CTNND1: variants seen among roughly 807,000 people sequenced by gnomAD.
The protein encoded by CTNND1 is catenin delta 1.
Under a neutral mutation model 112.1 loss-of-function variants are expected in CTNND1, and 16 were observed. That is an observed-to-expected ratio of 0.14 (90% CI 0.10 to 0.22). The LOEUF (loss-of-function observed/expected upper bound fraction) is 0.22, where lower values mean the gene tolerates loss of function less well. Ranked by LOEUF, CTNND1 falls within the 10% of genes least tolerant of loss-of-function variation. The probability of loss-of-function intolerance (pLI) is 1.00; values close to 1 mark genes in which losing one functional copy is unlikely to be tolerated. For synonymous variants in CTNND1, 420 were observed against 446.5 expected, an observed-to-expected ratio of 0.94 and a Z score of 0.75; for missense variants, 1,008 against 1,257.0, an observed-to-expected ratio of 0.80 and a Z score of 3.00.
rs1447001822 is a variant in CTNND1, at chr11:57,818,355, TCTG to T, written c.*2050_*2052del. 6.6e-6 allele frequency: 1 copy of T among 151,494 alleles called. No individual in the cohort carries two copies. Among genetic ancestry groups the T allele is most frequent in the African/African-American group, 2.5e-5 (1 of 40,334 alleles). 9.4% of individuals were successfully genotyped at this position (151,494 alleles called of 1,614,324 possible). A position where few individuals can be genotyped will look rare whatever the true frequency, so the allele number is the denominator to read the frequency against. ...CCGAACACTACTAAGGGGCTTGTGT[TCTG>T]CTCCATACCTTTTCTCTTTTCTTTC... On this transcript the variant is annotated 3_prime_UTR_variant, in exon 21 of 21. Coordinates refer to ENST00000399050, the MANE Select transcript of CTNND1 (RefSeq NM_001085458.2).
intron 1 of CTNND1, among the ~76,000 whole-genome samples, chr11:57,782,641 A>G (rs2136343662): frequency 1.3e-5 from 2 of 152,340 alleles, no homozygotes; most frequent in African/African-American, 4.8e-5. Flanking sequence ...GTCTATTTCT[A>G]CCACCATTTA....
At chr11:57,796,230 CA>C (rs2061348264) in intron 5 of CTNND1, among the ~76,000 whole-genome samples, 1 of 151,620 alleles carries the variant, frequency 6.6e-6, no homozygotes, top group South Asian at 2.1e-4. Context: ...ACTAAAAATA[CA>C]AAAAATTAGC....
At chr11:57,791,277 C>T (rs2060710549) in intron 2 of CTNND1, 108 bp from the exon 3 acceptor site, 1 of 943,194 alleles carries the variant, frequency 1.1e-6, no homozygotes, top group Non-Finnish European at 1.4e-6. Flanking sequence ...TTGCTTTCTG[C>T]ACTGCAGTAA....
rs377391701 is a variant in CTNND1 at position 57,808,405 on chromosome 11, C to T, written c.2107C>T (p.Arg703Cys). The T allele has an allele frequency of 1.8e-4, 296 of 1,609,164 alleles. No individual in the cohort carries two copies. Among genetic ancestry groups the T allele is most frequent in the Admixed American group, 3.4e-4 (20 of 59,476 alleles). Residue 703 changes from arginine to cysteine, a missense_variant, in exon 14 of 21, where the codon CGC becomes TGC. Around this residue, in one of 5 missense-constraint regions of CTNND1, gnomAD observed 254 missense variants for 279.5 expected, o/e 0.91. Transcript: ENST00000399050. ...AGRWTYGRYIRSALRQEKALS... is the reference protein window; with the variant it reads ...AGRWTYGRYICSALRQEKALS... ...GCTATTCTAGTATGGTCGATACATC[C>T]GCTCTGCTCTGCGTCAAGAGAAGGC...
rs964158017 is a variant in CTNND1, at chr11:57,794,202, T to C, written c.267+121T>C. On this transcript the variant is annotated intron_variant, in intron 4 of 20. Transcript: ENST00000399050. ...CATTGTACATACTCGTCAATTAGTT[T>C]CTTTTATTTACGAAAACAAAGAAGT... The C allele has an allele frequency of 2.3e-5, 19 of 820,662 alleles. No homozygotes were observed. The East Asian group carries it at 4.4e-4, about 19-fold the overall frequency. The allele number at this position is 820,662 out of a possible 1,614,324, so 50.8% of individuals were successfully genotyped here. A position where few individuals can be genotyped will look rare whatever the true frequency, so the allele number is the denominator to read the frequency against.
chr11:57,773,080 A>G (rs1953119828), intron 1 of CTNND1, among the ~76,000 whole-genome samples: 1 of 152,100 alleles, frequency 6.6e-6, no homozygotes, highest in African/African-American at 2.4e-5. Flanking sequence ...ATCAGAGATT[A>G]CCCAAAATTT....
At chr11:57,791,249 C>A in intron 2 of CTNND1, 136 bp from the exon 3 acceptor site, 1 of 582,452 alleles carries the variant, frequency 1.7e-6, no homozygotes. Context: ...GTGATGGGCT[C>A]CCAGGCTTGG....
chr11:57,794,986 C>T (rs1243548742), intron 4 of CTNND1, among the ~76,000 whole-genome samples: 3 of 151,482 alleles, frequency 2.0e-5, no homozygotes, highest in Admixed American at 2.0e-4. Context: ...ATTGCTTGAG[C>T]CCAGGAGTTC....
intron 17 of CTNND1, among the ~76,000 whole-genome samples, chr11:57,813,488 G>C (rs780015043): frequency 6.6e-6 from 1 of 152,166 alleles, no homozygotes; most frequent in Non-Finnish European, 1.5e-5. Flanking sequence ...TGTCAAAATC[G>C]TACATAGGTA....
At chr11:57,810,943 C>T (rs1386627729) in intron 16 of CTNND1, among the ~76,000 whole-genome samples, 5 of 150,730 alleles carry the variant, frequency 3.3e-5, no homozygotes, top group Non-Finnish European at 5.9e-5. Flanking sequence ...GGCAACATAG[C>T]TAAACCCTGT....
chr11:57,776,295 T>C (rs1189977304), intron 1 of CTNND1, among the ~76,000 whole-genome samples: 3 of 152,134 alleles, frequency 2.0e-5, no homozygotes, highest in African/African-American at 7.2e-5. Context: ...TCAAGCTATC[T>C]CAATTACTCT....
chr11:57,810,789 A>G (rs1336234535), intron 16 of CTNND1, among the ~76,000 whole-genome samples: 1 of 151,756 alleles, frequency 6.6e-6, no homozygotes, highest in Non-Finnish European at 1.5e-5. Flanking sequence ...ACCCATCTCT[A>G]CCAAAAATAA....
At chr11:57,796,176 G>C (rs558862558) in intron 5 of CTNND1, among the ~76,000 whole-genome samples, 2 of 152,070 alleles carry the variant, frequency 1.3e-5, no homozygotes, top group African/African-American at 4.8e-5. Context: ...CACGAGGTCA[G>C]GAGTTTGAGA....
At chr11:57,778,474 C>G (rs2059236222) in intron 1 of CTNND1, among the ~76,000 whole-genome samples, 1 of 152,170 alleles carries the variant, frequency 6.6e-6, no homozygotes, top group South Asian at 2.1e-4. Flanking sequence ...AGAAACTTGC[C>G]AAGTAGGAAT....
Position 57,801,965 on chromosome 11 carries a change from A to G in CTNND1, c.1189A>G (p.Asn397Asp). 6.2e-7 allele frequency: 1 copy of G among 1,614,056 alleles called. No individual in the cohort carries two copies. Among genetic ancestry groups the G allele is most frequent in the Non-Finnish European group, 8.5e-7 (1 of 1,179,910 alleles). The part of the protein sequence containing the change: ...AAYLQHLCYR[N>D]DKVKTDVRKL... The stretch of plus-strand genomic sequence containing the variant: ...ATACCTGCAACACTTATGCTACCGC[A>G]ATGACAAGGTGAAGACTGACGTGCG... Residue 397 changes from asparagine to aspartate, a missense_variant, in exon 7 of 21, where the codon AAT becomes GAT. By Grantham distance (23) the Asn-to-Asp change is conservative. Transcript: ENST00000399050.
intron 6 of CTNND1, 43 bp downstream of exon 6, chr11:57,797,035 A>G (rs1057120714): frequency 1.6e-5 from 22 of 1,400,902 alleles, no homozygotes; most frequent in Non-Finnish European, 1.9e-5. Context: ...TTCCAAGACC[A>G]GGGACAAGGG....
intron 9 of CTNND1, among the ~76,000 whole-genome samples, chr11:57,805,013 C>T (rs1361532834): frequency 1.3e-5 from 2 of 152,126 alleles, no homozygotes; most frequent in Non-Finnish European, 2.9e-5. Context: ...ATTCTCATGC[C>T]TCAGCCTCCC....
At chr11:57,787,012 C>A (rs185878123) in intron 1 of CTNND1, among the ~76,000 whole-genome samples, 16 of 152,268 alleles carry the variant, frequency 1.1e-4, no homozygotes, top group Admixed American at 9.8e-4. Flanking sequence ...GGTTTAAATT[C>A]AAAATTTGCT....
At chr11:57,773,123 TTACTTCA>T (rs1208079211) in intron 1 of CTNND1, among the ~76,000 whole-genome samples, 1 of 56,138 alleles carries the variant, frequency 1.8e-5, no homozygotes, top group African/African-American at 7.2e-5. Context: ...TTTATATGTA[TTACTTCA>T]TCATATATAG....
Sources: gnomAD v4.1 joint callset for allele counts (sites outside exome capture counted in the v4.1 genomes callset) on GRCh38, gnomAD v4.1.1 for gene constraint, gnomAD v4.1.1 regional missense constraint, MANE v1.5 for transcripts, NCBI Gene and HGNC (gene_info 2026-07-23, HGNC 2026-07-21) for gene names.